CCDC122: variants seen among roughly 807,000 people sequenced by gnomAD.
CCDC122 encodes coiled-coil domain containing 122.
Under a neutral mutation model 37.0 loss-of-function variants are expected in CCDC122, and 38 were observed. That is an observed-to-expected ratio of 1.03 (90% CI 0.79 to 1.35). The LOEUF (loss-of-function observed/expected upper bound fraction) is 1.35, where lower values mean the gene tolerates loss of function less well. Among genes scored for constraint, CCDC122 ranks in the 40% most tolerant of loss-of-function variants. The pLI, the probability that CCDC122 is intolerant of heterozygous loss-of-function variation, is 0.00. For synonymous variants in CCDC122, 83 were observed against 95.6 expected, an observed-to-expected ratio of 0.87 and a Z score of 0.77; for missense variants, 305 against 310.0, an observed-to-expected ratio of 0.98 and a Z score of 0.12.
intron 3 of CCDC122, among the ~76,000 whole-genome samples, chr13:43,829,710 C>T (rs552483725): frequency 6.6e-6 from 1 of 152,278 alleles, no homozygotes; most frequent in East Asian, 1.9e-4. Context: ...ATGTCCCTGT[C>T]TTTGTCATCC....
downstream of CCDC122, among the ~76,000 whole-genome samples, chr13:43,821,115 G>A (rs749372265): frequency 2.6e-5 from 4 of 152,068 alleles, no homozygotes; most frequent in South Asian, 2.1e-4. Flanking sequence ...TGGGAGTTTC[G>A]GAGTTTGATT....
At chr13:43,839,240 C>T (rs9590796) in intron 6 of CCDC122, among the ~76,000 whole-genome samples, 2,312 of 152,262 alleles carry the variant, frequency 0.015, 60 homozygotes, top group African/African-American at 0.053. Flanking sequence ...GCAGTCATTC[C>T]CCATTCCCCT....
At chr13:43,831,498 A>G (rs189896628), downstream of CCDC122, among the ~76,000 whole-genome samples, 7 of 152,318 alleles carry the variant, frequency 4.6e-5, no homozygotes, top group African/African-American at 1.7e-4. Flanking sequence ...ACATATGTCT[A>G]TTTCATGTAA....
At chr13:43,843,888 T>C (rs989826233) in intron 6 of CCDC122, among the ~76,000 whole-genome samples, 2 of 151,866 alleles carry the variant, frequency 1.3e-5, no homozygotes, top group African/African-American at 4.8e-5. Context: ...TAATAGGCCT[T>C]CATCACCCTT....
chr13:43,835,271 G>T (rs1193352646), downstream of CCDC122, among the ~76,000 whole-genome samples: 1 of 152,120 alleles, frequency 6.6e-6, no homozygotes, highest in African/African-American at 2.4e-5. Context: ...GAGAACACAT[G>T]GACACAGGAA....
intron 4 of CCDC122, among the ~76,000 whole-genome samples, chr13:43,860,525 T>C (rs936116073): frequency 1.7e-4 from 26 of 152,068 alleles, no homozygotes; most frequent in African/African-American, 6.3e-4. Flanking sequence ...CAAACTACAC[T>C]TTCTCCATTT....
At chr13:43,820,844 T>C (rs1952987961), downstream of CCDC122, among the ~76,000 whole-genome samples, 1 of 152,240 alleles carries the variant, frequency 6.6e-6, no homozygotes, top group South Asian at 2.1e-4. Context: ...AAAGGTCCAG[T>C]ACACGTTAGC....
At chr13:43,823,370 A>T (rs1252961979), downstream of CCDC122, among the ~76,000 whole-genome samples, 1 of 152,104 alleles carries the variant, frequency 6.6e-6, no homozygotes, top group African/African-American at 2.4e-5. Flanking sequence ...CAGAAGGAAG[A>T]AGTCACTTTC....
chr13:43,858,194 C>CA (rs943869337), intron 6 of CCDC122: 1 of 152,080 alleles, frequency 6.6e-6, no homozygotes, highest in African/African-American at 2.4e-5. Context: ...TGTATTCAGG[C>CA]AAAAATTATT....
At chr13:43,869,281 T>A (rs542821122) in intron 3 of CCDC122, 50 bp downstream of exon 3, 4 of 1,392,186 alleles carry the variant, frequency 2.9e-6, no homozygotes, top group Non-Finnish European at 4.1e-6. Flanking sequence ...GACTACTTTT[T>A]TGTTGTTGCT....
chr13:43,835,472 G>C (rs1335781188), downstream of CCDC122, among the ~76,000 whole-genome samples: 1 of 151,894 alleles, frequency 6.6e-6, no homozygotes, highest in Non-Finnish European at 1.5e-5. Context: ...AAAAAAGAAA[G>C]AACAAGGAGA....
chr13:43,848,921 C>A (rs1953631870), intron 6 of CCDC122: 2 of 977,572 alleles, frequency 2.0e-6, no homozygotes, highest in Non-Finnish European at 2.4e-6. Flanking sequence ...TAATAAAAAT[C>A]TTTTGGTATT....
At chr13:43,838,590 G>C (rs1953241011) in intron 6 of CCDC122, among the ~76,000 whole-genome samples, 1 of 152,172 alleles carries the variant, frequency 6.6e-6, no homozygotes. Context: ...CCAACTCTAT[G>C]AAGTTACCAA....
At chr13:43,848,994 T>G (rs1953635839) in intron 6 of CCDC122, 1 of 961,102 alleles carries the variant, frequency 1.0e-6, no homozygotes, top group African/African-American at 1.8e-5. Context: ...TAATGATCGA[T>G]TCTCATCATG....
intron 3 of CCDC122, among the ~76,000 whole-genome samples, chr13:43,825,298 GA>G (rs1953029109): frequency 6.6e-6 from 1 of 152,122 alleles, no homozygotes; most frequent in Non-Finnish European, 1.5e-5. Flanking sequence ...AATTAACACA[GA>G]AAAAGAAAAC....
Sources: allele counts gnomAD v4.1 joint callset (sites outside exome capture counted in the v4.1 genomes callset), GRCh38; gene constraint gnomAD v4.1.1; transcripts MANE v1.5; gene names NCBI Gene and HGNC (gene_info 2026-07-23, HGNC 2026-07-21).